SLC9C1: variants seen among roughly 807,000 people sequenced by gnomAD.
The protein encoded by SLC9C1 is solute carrier family 9 member C1, also known as sodium/hydrogen exchanger 10.
A neutral mutation model predicts 140.9 loss-of-function variants in SLC9C1; 97 were observed. That is an observed-to-expected ratio of 0.69 (90% CI 0.58 to 0.82). The LOEUF (loss-of-function observed/expected upper bound fraction) is 0.82, where lower values mean the gene tolerates loss of function less well. SLC9C1 is among the 40% of genes least tolerant of loss of function. The pLI is 0.00. For missense variants in SLC9C1, 1,340 were observed against 1,389.3 expected (o/e 0.96, Z 0.56); for synonymous variants, 440 against 442.6 (o/e 0.99, Z 0.07).
chr3:112,246,058 A>G (rs2079274711), intron 10 of SLC9C1, among the ~76,000 whole-genome samples: 1 of 152,184 alleles, frequency 6.6e-6, no homozygotes, highest in South Asian at 2.1e-4. Flanking sequence ...ATGTTTCAAA[A>G]TACGGTCATG....
At chr3:112,190,734 CT>C (rs35006447) in intron 20 of SLC9C1, among the ~76,000 whole-genome samples, 37,650 of 151,612 alleles carry the variant, frequency 0.25, 5,285 homozygotes, top group Non-Finnish European at 0.33. Flanking sequence ...TTTTAATACC[CT>C]TTTTTCACTT....
At chr3:112,165,686 G>A (rs2077113414) in intron 26 of SLC9C1, among the ~76,000 whole-genome samples, 1 of 152,222 alleles carries the variant, frequency 6.6e-6, no homozygotes, top group Non-Finnish European at 1.5e-5. Context: ...CCCTACTGGG[G>A]GGTGCCTCCC....
At chr3:112,235,991 G>A (rs1014957381) in intron 12 of SLC9C1, among the ~76,000 whole-genome samples, 2 of 152,310 alleles carry the variant, frequency 1.3e-5, no homozygotes, top group African/African-American at 2.4e-5. Flanking sequence ...CATAAAATGA[G>A]TTAGGGAGGA....
chr3:112,237,933 T>C (rs1021730905), intron 12 of SLC9C1, among the ~76,000 whole-genome samples: 1 of 152,128 alleles, frequency 6.6e-6, no homozygotes, highest in African/African-American at 2.4e-5. Flanking sequence ...CAATTATGTG[T>C]CTTGGAGTTG....
At chr3:112,280,605 T>C (rs1277619649) in intron 3 of SLC9C1, 78 bp downstream of exon 3, 85 of 1,266,626 alleles carry the variant, frequency 6.7e-5, no homozygotes, top group Non-Finnish European at 8.6e-5. Context: ...TGAATAACTT[T>C]TGCAAATTTT....
At chr3:112,278,931 A>G (rs2080289242) in intron 3 of SLC9C1, 74 bp from the exon 4 acceptor site, 2 of 1,461,160 alleles carry the variant, frequency 1.4e-6, no homozygotes, top group African/African-American at 2.9e-5. Context: ...AGGTGCTCCT[A>G]AATCTAACAG....
chr3:112,151,922 A>G lies in SLC9C1; in HGVS notation c.3459T>C (p.Pro1153=). 6.2e-7 allele frequency: 1 copy of G among 1,606,382 alleles called. No homozygotes were observed. Among genetic ancestry groups the G allele is most frequent in the South Asian group, 1.1e-5 (1 of 89,482 alleles). The change falls in exon 28 of 29, where the codon CCT becomes CCC. Residue 1153 remains proline, a synonymous_variant. Transcript: ENST00000305815. ...HSAATARSPQ[P]CSLLGTKFNC... is the part of the protein sequence containing the mutation. ...TGAACTTTGTCCCCAGCAGGGAGCAAGGCTGGGGACTCCTGGCAGTGGCGG... is the reference window on the plus strand; with the variant it reads ...TGAACTTTGTCCCCAGCAGGGAGCAGGGCTGGGGACTCCTGGCAGTGGCGG...
At chr3:112,197,894 G>T (rs1052404113) in intron 20 of SLC9C1, among the ~76,000 whole-genome samples, 1 of 151,964 alleles carries the variant, frequency 6.6e-6, no homozygotes, top group Non-Finnish European at 1.5e-5. Flanking sequence ...CTACAACATG[G>T]GTTGCAACTA....
rs745779841 is a variant in SLC9C1 at position 112,169,242 on chromosome 3, T to G, written c.3006A>C (p.Gly1002=). The G allele has an allele frequency of 6.2e-7, 1 of 1,613,578 alleles. No individual in the cohort carries two copies. Among genetic ancestry groups the G allele is most frequent in the Non-Finnish European group, 8.5e-7 (1 of 1,179,776 alleles). The part of the protein sequence containing the change: ...LIKQKMWLKL[G]LAITARKIRE... ...TGATTTTTCTGGCTGTAATAGCGAG[T>G]CCAAGTTTTAGCCACATTTTTTGTT... Residue 1002 remains glycine, a synonymous_variant, in exon 24 of 29, where the codon GGA becomes GGC. Coordinates refer to ENST00000305815, the MANE Select transcript of SLC9C1 (RefSeq NM_183061.3).
chr3:112,276,146 G>T (rs146099460), intron 5 of SLC9C1, among the ~76,000 whole-genome samples: 1 of 151,996 alleles, frequency 6.6e-6, no homozygotes, highest in Non-Finnish European at 1.5e-5. Flanking sequence ...ATAAATAATT[G>T]TTGTTTAAGC....
intron 1 of SLC9C1, among the ~76,000 whole-genome samples, chr3:112,288,125 TACAC>T (rs1039574813): frequency 2.7e-5 from 4 of 150,714 alleles, no homozygotes; most frequent in African/African-American, 4.9e-5. Context: ...TTCAGTTTCA[TACAC>T]ACACGCACAC....
chr3:112,267,341 C>T (rs2079946861), intron 7 of SLC9C1, among the ~76,000 whole-genome samples: 1 of 151,872 alleles, frequency 6.6e-6, no homozygotes, highest in South Asian at 2.1e-4. Flanking sequence ...CTTTGGGAGG[C>T]CAAGGCGGGT....
intron 2 of SLC9C1, among the ~76,000 whole-genome samples, chr3:112,282,756 T>C (rs536296812): frequency 6.6e-6 from 1 of 152,364 alleles, no homozygotes; most frequent in Admixed American, 6.5e-5. Context: ...CTTAGAAAAG[T>C]GTCTTGAACT....
chr3:112,156,054 TA>T (rs1216583835), intron 26 of SLC9C1, among the ~76,000 whole-genome samples: 2 of 152,068 alleles, frequency 1.3e-5, no homozygotes, highest in African/African-American at 4.8e-5. Flanking sequence ...AAATATACAA[TA>T]TTTTTTTAAC....
chr3:112,166,052 C>T (rs951443725), intron 26 of SLC9C1, among the ~76,000 whole-genome samples: 14 of 55,592 alleles, frequency 2.5e-4, no homozygotes, highest in African/African-American at 4.9e-4. Flanking sequence ...GCTCCGTGGT[C>T]GTAGGACCCT....
At chr3:112,281,047 G>A (rs1476753359) in intron 2 of SLC9C1, among the ~76,000 whole-genome samples, 1 of 152,098 alleles carries the variant, frequency 6.6e-6, no homozygotes, top group Non-Finnish European at 1.5e-5. Context: ...TGGCTCTTGG[G>A]TTACTATTGA....
intron 7 of SLC9C1, among the ~76,000 whole-genome samples, 173 bp from the exon 8 acceptor site, chr3:112,266,513 C>T (rs542420599): frequency 6.6e-6 from 1 of 152,250 alleles, no homozygotes; most frequent in African/African-American, 2.4e-5. Context: ...ACCCCATGTC[C>T]TTTTTCTTCC....
At chr3:112,247,014 CTT>C (rs1222438212) in intron 10 of SLC9C1, among the ~76,000 whole-genome samples, 1 of 152,138 alleles carries the variant, frequency 6.6e-6, no homozygotes, top group East Asian at 1.9e-4. Flanking sequence ...CTTTTCCCCT[CTT>C]GTTTTTAAAA....
At position 112,275,489 on chromosome 3, in the gene SLC9C1, A is replaced by G. The variant is rs149350126; in HGVS notation, c.485-464T>C. Among the ~76,000 whole-genome samples, 30 of 152,280 alleles carry G rather than the reference A, an allele frequency of 2.0e-4. No homozygotes were observed. The East Asian group carries it at 5.2e-3, about 26-fold the overall frequency. Reference sequence around the variant, plus strand: ...TTCATTCTTCCCAATGGTTTTAGAAATCAATCTCCATGAATGGAGAGTTCC... The same window carrying G: ...TTCATTCTTCCCAATGGTTTTAGAAGTCAATCTCCATGAATGGAGAGTTCC... On this transcript the variant is annotated intron_variant, in intron 5 of 28. Coordinates refer to ENST00000305815, the MANE Select transcript of SLC9C1 (RefSeq NM_183061.3).
Sources: gnomAD v4.1 joint callset for allele counts (sites outside exome capture counted in the v4.1 genomes callset) on GRCh38, gnomAD v4.1.1 for gene constraint, MANE v1.5 for transcripts, NCBI Gene and HGNC (gene_info 2026-07-23, HGNC 2026-07-21) for gene names.